The following FAM107B variants were observed in gnomAD, a reference collection of about 807,000 sequenced individuals.
FAM107B encodes protein FAM107B.
FAM107B carries 21 observed loss-of-function variants against 31.5 expected under a neutral mutation model. The observed-to-expected ratio is 0.67, with a 90% CI of 0.47 to 0.96. The LOEUF is 0.96. Ranked by LOEUF, FAM107B falls within the 40% of genes least tolerant of loss-of-function variation. The pLI, the probability that FAM107B is intolerant of heterozygous loss-of-function variation, is 0.00. For missense variants in FAM107B, 452 were observed against 377.1 expected (o/e 1.20, Z -1.64); for synonymous variants, 157 against 141.5 (o/e 1.11, Z -0.78).
chr10:14,538,893 T>C (rs992495902), intron 2 of FAM107B, among the ~76,000 whole-genome samples: 1 of 152,246 alleles, frequency 6.6e-6, no homozygotes, highest in Non-Finnish European at 1.5e-5. Flanking sequence ...CATCAATTAT[T>C]GATTTTATAA....
chr10:14,600,978 G>C (rs998198527), intron 2 of FAM107B, among the ~76,000 whole-genome samples: 1 of 151,742 alleles, frequency 6.6e-6, no homozygotes. Flanking sequence ...TGTTGCCCAG[G>C]CTGGTCTCAC....
At chr10:14,714,477 A>C (rs1855737011) in intron 1 of FAM107B, among the ~76,000 whole-genome samples, 3 of 152,254 alleles carry the variant, frequency 2.0e-5, no homozygotes, top group Admixed American at 1.3e-4. Context: ...AGCCGGCAGC[A>C]GGAGTCACTG....
chr10:14,670,822 A>T (rs1330954048), intron 1 of FAM107B, among the ~76,000 whole-genome samples: 1 of 152,246 alleles, frequency 6.6e-6, no homozygotes, highest in African/African-American at 2.4e-5. Context: ...AGAATAAACA[A>T]GCATCTGTCC....
intron 2 of FAM107B, among the ~76,000 whole-genome samples, chr10:14,620,639 G>A (rs11259231): frequency 0.53 from 81,040 of 151,856 alleles, 22,256 homozygotes; most frequent in Middle Eastern, 0.65. Context: ...CCATCAACCC[G>A]TCAACTACAT....
intron 2 of FAM107B, among the ~76,000 whole-genome samples, chr10:14,645,784 C>G (rs774094183): frequency 6.6e-6 from 1 of 152,076 alleles, no homozygotes; most frequent in Non-Finnish European, 1.5e-5. Context: ...AATTCTCTCC[C>G]TGATTTCTGT....
intron 2 of FAM107B, among the ~76,000 whole-genome samples, chr10:14,618,221 T>C (rs1419574276): frequency 6.6e-6 from 1 of 152,210 alleles, no homozygotes; most frequent in Non-Finnish European, 1.5e-5. Flanking sequence ...TTTCTCTATG[T>C]TCTTGGGTGT....
Position 14,657,811 on chromosome 10 carries a change from T to A in FAM107B, c.469+9823A>T, listed in dbSNP as rs186684175. 2.8e-3 allele frequency among the ~76,000 whole-genome samples: 415 copies of A among 149,420 alleles called. 1 individual carries two copies. Among genetic ancestry groups the A allele is most frequent in the Admixed American group, 5.0e-3 (73 of 14,508 alleles). ...CAACAAGCATGTTGCCACCTTCACT[T>A]TTTTTTTTCCTTTTTTTTGAGGCTG... On this transcript the variant is annotated intron_variant, in intron 2 of 4. Transcript: ENST00000181796.
At chr10:14,741,715 C>CTTTTTTT (rs769614377) in intron 1 of FAM107B, among the ~76,000 whole-genome samples, 13 of 114,434 alleles carry the variant, frequency 1.1e-4, no homozygotes, top group Middle Eastern at 6.6e-3. Flanking sequence ...GCATAACTCC[C>CTTTTTTT]TTTTTTTTTT....
At chr10:14,647,307 A>G (rs1442655738) in intron 2 of FAM107B, among the ~76,000 whole-genome samples, 7 of 152,214 alleles carry the variant, frequency 4.6e-5, no homozygotes, top group Admixed American at 2.6e-4. Context: ...TCATCACCAC[A>G]GTCTTGGCCA....
At chr10:14,765,341 A>C in intron 1 of FAM107B, among the ~76,000 whole-genome samples, 1 of 152,214 alleles carries the variant, frequency 6.6e-6, no homozygotes, top group South Asian at 2.1e-4. Flanking sequence ...AGAGTTGCCA[A>C]TAGCCAAATC....
intron 2 of FAM107B, among the ~76,000 whole-genome samples, chr10:14,580,994 A>G (rs745539150): frequency 6.6e-6 from 1 of 152,258 alleles, no homozygotes; most frequent in Non-Finnish European, 1.5e-5. Flanking sequence ...ACCTGAAGTT[A>G]CAGCAAATCA....
At chr10:14,725,625 G>GAT (rs1327490572) in intron 1 of FAM107B, among the ~76,000 whole-genome samples, 1 of 151,430 alleles carries the variant, frequency 6.6e-6, no homozygotes, top group Non-Finnish European at 1.5e-5. Flanking sequence ...CAGACAGAGA[G>GAT]AGAGAAAGAG....
At chr10:14,529,747 G>C (rs1846734779) in intron 3 of FAM107B, 1 of 152,108 alleles carries the variant, frequency 6.6e-6, no homozygotes, top group African/African-American at 2.4e-5. Context: ...ATGATTTATG[G>C]CACAGATGGA....
intron 1 of FAM107B, among the ~76,000 whole-genome samples, chr10:14,767,024 G>GTATGTATATATATA (rs1554757993): frequency 6.2e-5 from 1 of 16,234 alleles, no homozygotes; most frequent in Non-Finnish European, 2.3e-4. Flanking sequence ...TGATGTGTAT[G>GTATGTATATATATA]TATATATATA....
intron 2 of FAM107B, among the ~76,000 whole-genome samples, chr10:14,542,885 A>G (rs1314653163): frequency 1.3e-5 from 2 of 152,240 alleles, no homozygotes; most frequent in Non-Finnish European, 2.9e-5. Context: ...TGAGAAATAG[A>G]TATATTAGTA....
chr10:14,630,545 A>G (rs1357386737), intron 2 of FAM107B, among the ~76,000 whole-genome samples: 1 of 152,124 alleles, frequency 6.6e-6, no homozygotes, highest in East Asian at 1.9e-4. Context: ...TAAAAAAATC[A>G]CATTGGGCTG....
chr10:14,762,361 G>T (rs375987043), intron 1 of FAM107B, among the ~76,000 whole-genome samples: 8 of 152,310 alleles, frequency 5.3e-5, no homozygotes, highest in African/African-American at 1.4e-4. Context: ...CCCAGAGGGG[G>T]CTACAGTGTT....
chr10:14,625,150 G>A (rs1853123655), intron 2 of FAM107B, among the ~76,000 whole-genome samples: 1 of 151,626 alleles, frequency 6.6e-6, no homozygotes, highest in Admixed American at 6.6e-5. Flanking sequence ...GCTTAAACTC[G>A]GGGAAACAGA....
At chr10:14,724,822 C>G (rs970230280) in intron 1 of FAM107B, among the ~76,000 whole-genome samples, 6 of 152,204 alleles carry the variant, frequency 3.9e-5, no homozygotes, top group Non-Finnish European at 7.3e-5. Context: ...GCCCCAACAC[C>G]TAGGTCCTAA....
Sources: gnomAD v4.1 joint callset for allele counts (sites outside exome capture counted in the v4.1 genomes callset) on GRCh38, gnomAD v4.1.1 for gene constraint, MANE v1.5 for transcripts, NCBI Gene and HGNC (gene_info 2026-07-23, HGNC 2026-07-21) for gene names.